Variants in PIK3C2G observed in about 807,000 individuals in gnomAD.
PIK3C2G encodes phosphatidylinositol-4-phosphate 3-kinase catalytic subunit type 2 gamma.
A neutral mutation model predicts 181.1 loss-of-function variants in PIK3C2G; 168 were observed. That is an observed-to-expected ratio of 0.93 (90% CI 0.82 to 1.05). The LOEUF is 1.05. Ranked by LOEUF, PIK3C2G falls within the 50% of genes least tolerant of loss-of-function variation. The pLI is 0.00. For synonymous variants in PIK3C2G, 573 were observed against 592.2 expected (o/e 0.97, Z 0.47); for missense variants, 1,869 against 1,732.8 (o/e 1.08, Z -1.40).
chr12:18,700,014 A>G, the PIK3C2G span: 2 of 1,381,464 alleles, frequency 1.4e-6, no homozygotes. Flanking sequence ...AATTTTTTCT[A>G]GTAAAGAAAA....
chr12:18,622,528 A>T (rs562807092), intron 31 of PIK3C2G, among the ~76,000 whole-genome samples: 1 of 152,060 alleles, frequency 6.6e-6, no homozygotes, highest in African/African-American at 2.4e-5. Flanking sequence ...GGCAGTGCAG[A>T]CATCTTTTCA....
intron 18 of PIK3C2G, among the ~76,000 whole-genome samples, chr12:18,446,611 G>T (rs1366737298): frequency 6.6e-6 from 1 of 152,082 alleles, no homozygotes; most frequent in Non-Finnish European, 1.5e-5. Flanking sequence ...TTTGAATGGT[G>T]CATTTTCTGT....
At chr12:18,602,856 CA>C in intron 30 of PIK3C2G, among the ~76,000 whole-genome samples, 1 of 152,120 alleles carries the variant, frequency 6.6e-6, no homozygotes, top group East Asian at 1.9e-4. Context: ...CCCCATGGGA[CA>C]AAAAAATCTG....
chr12:18,577,885 T>A (rs114908414), intron 29 of PIK3C2G, among the ~76,000 whole-genome samples: 14 of 152,158 alleles, frequency 9.2e-5, no homozygotes, highest in African/African-American at 3.4e-4. Flanking sequence ...AAAAATTAAA[T>A]GTGGACAGTG....
chr12:18,654,036 A>G, the PIK3C2G span, among the ~76,000 whole-genome samples: 1 of 152,112 alleles, frequency 6.6e-6, no homozygotes, highest in South Asian at 2.1e-4. Flanking sequence ...CTATCAGAGC[A>G]ATGGTAGCAG....
At chr12:18,408,319 G>C (rs1944656088) in intron 16 of PIK3C2G, among the ~76,000 whole-genome samples, 1 of 152,110 alleles carries the variant, frequency 6.6e-6, no homozygotes, top group Non-Finnish European at 1.5e-5. Flanking sequence ...ATTAAATAGG[G>C]AATCCTTTCC....
At chr12:18,678,917 A>G in the PIK3C2G span, among the ~76,000 whole-genome samples, 1 of 152,058 alleles carries the variant, frequency 6.6e-6, no homozygotes, top group Non-Finnish European at 1.5e-5. Context: ...GAAATGGTCA[A>G]ACTGTTTTCA....
At chr12:18,503,135 A>T (rs1941606521) in intron 22 of PIK3C2G, 146 bp from the exon 23 acceptor site, 1 of 494,950 alleles carries the variant, frequency 2.0e-6, no homozygotes, top group Non-Finnish European at 3.5e-6. Context: ...AAAGAGATGC[A>T]TCTAGATAAG....
the PIK3C2G span, chr12:18,701,492 C>A: frequency 5.0e-6 from 8 of 1,613,930 alleles, no homozygotes; most frequent in Non-Finnish European, 5.1e-6. Flanking sequence ...TCACAAAACA[C>A]CACCTCACCT....
the PIK3C2G span, chr12:18,694,987 G>A: frequency 6.2e-7 from 1 of 1,609,694 alleles, no homozygotes; most frequent in Non-Finnish European, 8.5e-7. Context: ...CTTAAGAAAT[G>A]TGGTTTCAAA....
At chr12:18,721,651 G>A in the PIK3C2G span, among the ~76,000 whole-genome samples, 9 of 150,618 alleles carry the variant, frequency 6.0e-5, no homozygotes, top group African/African-American at 2.2e-4. Flanking sequence ...AGTTGGCAAT[G>A]ACATAAAGAG....
chr12:18,486,671 A>C (rs563667959), intron 18 of PIK3C2G, among the ~76,000 whole-genome samples: 85 of 152,192 alleles, frequency 5.6e-4, no homozygotes, highest in African/African-American at 1.9e-3. Context: ...TAAAAAAAAA[A>C]CAAGTAGCCC....
At chr12:18,635,470 G>A (rs565782824) in intron 31 of PIK3C2G, among the ~76,000 whole-genome samples, 7 of 152,232 alleles carry the variant, frequency 4.6e-5, no homozygotes, top group South Asian at 2.1e-4. Flanking sequence ...TGGGCAACTC[G>A]GGGCACACGG....
At chr12:18,578,060 C>T (rs1246772583) in intron 29 of PIK3C2G, among the ~76,000 whole-genome samples, 1 of 152,114 alleles carries the variant, frequency 6.6e-6, no homozygotes, top group East Asian at 1.9e-4. Flanking sequence ...AGGGATTGTT[C>T]AGAGCCCCAT....
chr12:18,252,200 A>ACGGC (rs1948101887), intron 1 of PIK3C2G, among the ~76,000 whole-genome samples: 1 of 152,158 alleles, frequency 6.6e-6, no homozygotes, highest in African/African-American at 2.4e-5. Context: ...AACCGAAACT[A>ACGGC]TAGAACTAAT....
At chr12:18,394,524 A>G (rs1943738989) in intron 15 of PIK3C2G, among the ~76,000 whole-genome samples, 1 of 152,080 alleles carries the variant, frequency 6.6e-6, no homozygotes, top group South Asian at 2.1e-4. Context: ...TAAATTAGCA[A>G]ATAATTATTC....
chr12:18,300,152 A>G (rs577391902), intron 5 of PIK3C2G, among the ~76,000 whole-genome samples: 1 of 152,082 alleles, frequency 6.6e-6, no homozygotes, highest in Non-Finnish European at 1.5e-5. Flanking sequence ...CAATAAAGCC[A>G]TCTCATCCTG....
intron 26 of PIK3C2G, among the ~76,000 whole-genome samples, chr12:18,562,183 G>A (rs1403522232): frequency 5.9e-5 from 9 of 152,196 alleles, no homozygotes; most frequent in African/African-American, 2.2e-4. Context: ...CCAGGCTGGA[G>A]TGCAGCCGCA....
intron 8 of PIK3C2G, among the ~76,000 whole-genome samples, chr12:18,334,764 C>T (rs560307995): frequency 6.6e-6 from 1 of 152,162 alleles, no homozygotes; most frequent in African/African-American, 2.4e-5. Flanking sequence ...TTTGTGTCTG[C>T]AGGGGATCTC....
Sources: allele counts gnomAD v4.1 joint callset (sites outside exome capture counted in the v4.1 genomes callset), GRCh38; gene constraint gnomAD v4.1.1; transcripts MANE v1.5; gene names NCBI Gene and HGNC (gene_info 2026-07-23, HGNC 2026-07-21).